Variants in LMF1 observed in about 807,000 individuals in gnomAD.
LMF1 encodes lipase maturation factor 1.
LMF1 carries 68 observed loss-of-function variants against 60.6 expected under a neutral mutation model. The ratio of observed to expected loss-of-function variants is 1.12; its 90% confidence interval spans 0.92 to 1.37. The LOEUF is 1.37. Ranked by LOEUF, LMF1 falls within the 40% of genes most tolerant of loss-of-function variation. The pLI is 0.00. For missense variants in LMF1, 948 were observed against 767.2 expected (o/e 1.24, Z -2.78); for synonymous variants, 418 against 324.7 (o/e 1.29, Z -3.09).
Position 898,403 on chromosome 16 carries a change from C to T in LMF1, c.664-5331G>A, listed in dbSNP as rs550317013. ...CACTGACTTTCTGACCAATGCCAGC[C>T]GGGAGAGCCTGGGCTTCCGGGATCT... On this transcript the variant is annotated intron_variant, in intron 4 of 10. Transcript: ENST00000262301. Among the ~76,000 whole-genome samples the T allele has an allele frequency of 1.9e-4, 29 of 152,330 alleles. 1 individual carries two copies. Among genetic ancestry groups the T allele is most frequent in the South Asian group, 1.7e-3 (8 of 4,828 alleles).
chr16:861,354 C>CTTTTTTTTTT (rs33941455), intron 10 of LMF1, among the ~76,000 whole-genome samples: 4 of 92,660 alleles, frequency 4.3e-5, no homozygotes, highest in East Asian at 3.1e-4. Flanking sequence ...AATTTTCTTT[C>CTTTTTTTTTT]TTTTTTTTTT....
chr16:886,353 G>A (rs1360646413), intron 5 of LMF1, among the ~76,000 whole-genome samples: 1 of 152,138 alleles, frequency 6.6e-6, no homozygotes, highest in Non-Finnish European at 1.5e-5. Flanking sequence ...TCCCTGGCAA[G>A]AGGACCCCAG....
chr16:978,254 C>T (rs536696355), intron 1 of LMF1, among the ~76,000 whole-genome samples: 11 of 149,768 alleles, frequency 7.3e-5, no homozygotes, highest in East Asian at 1.9e-4. Flanking sequence ...GCACTATACA[C>T]GCACCATACA....
chr16:899,688 G>GCGCCGCCCATGACCCA (rs2070756164), intron 4 of LMF1: 1 of 152,246 alleles, frequency 6.6e-6, no homozygotes, highest in African/African-American at 2.4e-5. Context: ...CTGCCTTTCA[G>GCGCCGCCCATGACCCA]CGCCGCCCAT....
chr16:859,029 G>GC lies in LMF1; in HGVS notation c.1530-4324_1530-4323insG, dbSNP rs2069323089. ...CGCGTGTGCAGTGGTGTCACGGGAC[G>GC]GGTGTGAGTGATGTCACGGGACGGG... On this transcript the variant is annotated intron_variant, in intron 10 of 10. Transcript: ENST00000262301. Among the ~76,000 whole-genome samples the GC allele has an allele frequency of 8.1e-5, 8 of 99,130 alleles. 2 individuals carry two copies. Among genetic ancestry groups the GC allele is most frequent in the Admixed American group, 2.7e-4 (3 of 10,992 alleles). 65.0% of individuals were successfully genotyped at this position (99,130 alleles called of 152,430 possible).
At chr16:977,101 G>A (rs1488399333) in intron 1 of LMF1, 1 of 454,106 alleles carries the variant, frequency 2.2e-6, no homozygotes, top group Admixed American at 2.3e-5. Context: ...CTCCTGCAAG[G>A]TGCCAAGAAA....
At chr16:978,859 C>T (rs949215673) in intron 1 of LMF1, among the ~76,000 whole-genome samples, 1 of 152,164 alleles carries the variant, frequency 6.6e-6, no homozygotes, top group Admixed American at 6.5e-5. Context: ...ACCCCCGGGT[C>T]CATCTCTTGT....
At chr16:875,350 C>G (rs1453419944) in intron 6 of LMF1, among the ~76,000 whole-genome samples, 1 of 152,146 alleles carries the variant, frequency 6.6e-6, no homozygotes, top group African/African-American at 2.4e-5. Context: ...TCTGCCTGCA[C>G]CAGGGCCCGT....
At chr16:945,205 C>A (rs1474947303) in intron 2 of LMF1, among the ~76,000 whole-genome samples, 5 of 57,320 alleles carry the variant, frequency 8.7e-5, no homozygotes, top group Non-Finnish European at 1.4e-4. Context: ...GAGCGAGACT[C>A]CATCTCAAAA....
At chr16:949,226 A>G (rs75961074) in intron 2 of LMF1, among the ~76,000 whole-genome samples, 64,480 of 138,154 alleles carry the variant, frequency 0.47, 17,132 homozygotes, top group African/African-American at 0.69. Flanking sequence ...GTCAGCCAAC[A>G]ACAGAGTCAG....
At chr16:951,959 C>T (rs774582831) in intron 2 of LMF1, among the ~76,000 whole-genome samples, 4 of 152,232 alleles carry the variant, frequency 2.6e-5, no homozygotes, top group Non-Finnish European at 5.9e-5. Context: ...CAGCCACAAG[C>T]ATTGCACGTG....
intron 4 of LMF1, among the ~76,000 whole-genome samples, chr16:895,215 G>T (rs1261144527): frequency 6.6e-6 from 1 of 152,050 alleles, no homozygotes; most frequent in Non-Finnish European, 1.5e-5. Flanking sequence ...CTGCTGTTGG[G>T]ATGGAATTTC....
chr16:923,741 A>G (rs1470100203), intron 3 of LMF1, among the ~76,000 whole-genome samples: 2 of 152,188 alleles, frequency 1.3e-5, no homozygotes, highest in Admixed American at 1.3e-4. Context: ...GTGGCCCCCA[A>G]TCTGGCAGAG....
chr16:977,946 GCACACA>G (rs1468331922), intron 1 of LMF1, among the ~76,000 whole-genome samples: 3 of 68,740 alleles, frequency 4.4e-5, no homozygotes, highest in East Asian at 4.1e-4. Context: ...TCATACACAC[GCACACA>G]CACCACACAC....
chr16:885,237 A>C (rs533378746), intron 5 of LMF1: 1 of 152,280 alleles, frequency 6.6e-6, no homozygotes, highest in Non-Finnish European at 1.5e-5. Flanking sequence ...AAATAAGACA[A>C]AAAAGTTACA....
intron 2 of LMF1, 124 bp from the exon 3 acceptor site, chr16:934,378 C>G (rs987144863): frequency 4.1e-6 from 5 of 1,207,510 alleles, no homozygotes; most frequent in Non-Finnish European, 6.0e-6. Flanking sequence ...GGAAGCCCTG[C>G]GAGGAGGACC....
chr16:949,948 AACGACAGAGTCAGAG>A (rs2072394584), intron 2 of LMF1, among the ~76,000 whole-genome samples: 2 of 143,636 alleles, frequency 1.4e-5, no homozygotes, highest in Non-Finnish European at 3.0e-5. Flanking sequence ...AGTCAGAGCC[AACGACAGAGTCAGAG>A]ACGACAGAGT....
In LMF1 at chr16:890,601, G is replaced by A. The variant is rs551709341; in HGVS notation, c.729+2406C>T. On this transcript the variant is annotated intron_variant, in intron 5 of 10. Coordinates refer to ENST00000262301, the MANE Select transcript of LMF1 (RefSeq NM_022773.4). Reference sequence around the variant, plus strand: ...ACCCTGCACTCCAGCCTCAGTGTCTGGAGATGGGAGTGGCCTCAGCCACAA... The same window carrying A: ...ACCCTGCACTCCAGCCTCAGTGTCTAGAGATGGGAGTGGCCTCAGCCACAA... 1.2e-3 allele frequency among the ~76,000 whole-genome samples: 187 copies of A among 152,318 alleles called. 1 individual carries two copies. The highest frequency in any genetic ancestry group is 4.3e-3 in the African/African-American group (180 of 41,580).
intron 1 of LMF1, chr16:964,227 C>T (rs867874319): frequency 8.9e-5 from 38 of 429,084 alleles, no homozygotes; most frequent in African/African-American, 1.7e-4. Context: ...AATCGGAAGG[C>T]GGAGGTTGTA....
Sources: gnomAD v4.1 joint callset for allele counts (sites outside exome capture counted in the v4.1 genomes callset) on GRCh38, gnomAD v4.1.1 for gene constraint, MANE v1.5 for transcripts, NCBI Gene and HGNC (gene_info 2026-07-23, HGNC 2026-07-21) for gene names.